PLOD3: variants seen among roughly 807,000 people sequenced by gnomAD.
PLOD3 encodes multifunctional procollagen lysine hydroxylase and glycosyltransferase LH3.
Under a neutral mutation model 96.9 loss-of-function variants are expected in PLOD3, and 73 were observed. That is an observed-to-expected ratio of 0.75 (90% confidence interval 0.62 to 0.92). The LOEUF (loss-of-function observed/expected upper bound fraction) is 0.92, where lower values mean the gene tolerates loss of function less well. PLOD3 is among the 40% of genes least tolerant of loss of function. The pLI is 0.00. For synonymous variants in PLOD3, 454 were observed against 413.7 expected (o/e 1.10, Z -1.18); for missense variants, 1,004 against 1,004.3 (o/e 1.00, Z 0.00).
chr7:101,214,415 G>A (rs553162204), intron 6 of PLOD3, among the ~76,000 whole-genome samples: 1 of 152,094 alleles, frequency 6.6e-6, no homozygotes, highest in African/African-American at 2.4e-5. Context: ...ACAGGCGTGA[G>A]GCACCGTGCC....
chr7:101,212,349 G>C lies in PLOD3; in HGVS notation c.1031C>G (p.Ala344Gly). 2 of 1,613,860 alleles carry C rather than the reference G, an allele frequency of 1.2e-6. No individual in the cohort carries two copies. Among genetic ancestry groups the C allele is most frequent in the Non-Finnish European group, 1.7e-6 (2 of 1,179,928 alleles). Residue 344 changes from alanine (A) to glycine (G), a missense_variant, in exon 10 of 19, where the codon GCT (alanine) becomes GGT (glycine). Transcript: ENST00000223127. ...NNEVFHEPHI[A>G]DSWPQLQDHF... ...GTCCTGGAGCTGCGGCCAGGAGTCA[G>C]CGATGTGGGGTTCATGGAAGACCTC...
Position 101,217,317 on chromosome 7 carries a change from C to A in PLOD3, c.-43G>T. On this transcript the variant is annotated 5_prime_UTR_variant, in exon 1 of 19. Transcript: ENST00000223127. Reference sequence around the variant, plus strand: ...GACAGCACCCAGGATCCTGGGATCTCCGCTACGCGCCTGGATCCCAGCTCC... The same window carrying A: ...GACAGCACCCAGGATCCTGGGATCTACGCTACGCGCCTGGATCCCAGCTCC... 1 of 1,364,824 alleles carries A rather than the reference C, an allele frequency of 7.3e-7. No homozygotes were observed. Among genetic ancestry groups the A allele is most frequent in the Non-Finnish European group, 9.5e-7 (1 of 1,057,332 alleles). The allele number at this position is 1,364,824 out of a possible 1,614,324, so 84.5% of individuals were successfully genotyped here.
Position 101,217,369 on chromosome 7 carries a change from T to C in PLOD3, c.-95A>G, listed in dbSNP as rs1357614447. On this transcript the variant is annotated 5_prime_UTR_variant, in exon 1 of 19. Transcript: ENST00000223127. ...GAGGGGAGCTCTGGAAAGGGGGCGC[T>C]CGGGCTGCTGTGCGGCCGCCGCGGG... The C allele has an allele frequency of 1.6e-6, 2 of 1,254,706 alleles. No individual in the cohort carries two copies. Among genetic ancestry groups the C allele is most frequent in the South Asian group, 2.3e-5 (1 of 43,040 alleles). The allele number at this position is 1,254,706 out of a possible 1,614,324, so 77.7% of individuals were successfully genotyped here.
intron 4 of PLOD3, 29 bp from the exon 5 acceptor site, chr7:101,216,049 A>C (rs1798265699): frequency 6.2e-7 from 1 of 1,609,142 alleles, no homozygotes; most frequent in African/African-American, 1.3e-5. Flanking sequence ...GTTGACCTCG[A>C]GACTCCCAGG....
rs1252322929 is a variant in PLOD3 at position 101,211,590 on chromosome 7, C to T, written c.1358+1G>A. ...GGGGGCTGCAGGCTGGCGGGACTCACACTCGCTTCCGCTGCACCAGCTCCA... is the reference window on the plus strand; with the variant it reads ...GGGGGCTGCAGGCTGGCGGGACTCATACTCGCTTCCGCTGCACCAGCTCCA... On this transcript the variant is annotated splice_donor_variant, in intron 12 of 18. Coordinates refer to ENST00000223127, the MANE Select transcript of PLOD3 (RefSeq NM_001084.5). LOFTEE classifies it high-confidence loss of function. The T allele has an allele frequency of 6.3e-7, 1 of 1,598,460 alleles. No homozygotes were observed. The highest frequency in any genetic ancestry group is 8.5e-7 in the Non-Finnish European group (1 of 1,173,632).
At position 101,207,593 on chromosome 7, in the gene PLOD3, G is replaced by C; in HGVS notation, c.1920C>G (p.Pro640=). The part of the protein sequence containing the change: ...YVGPMTESLF[P]GYHTKARAVM... Reference sequence around the variant, plus strand: ...GGCAGCGCACCTTGGTGTGGTAACCGGGAAACAGGCTCTCGGTCATGGGGC... The same window carrying C: ...GGCAGCGCACCTTGGTGTGGTAACCCGGAAACAGGCTCTCGGTCATGGGGC... The change falls in exon 17 of 19, where the codon CCC becomes CCG. Residue 640 remains proline, a synonymous_variant. Transcript: ENST00000223127. 1 of 1,614,040 alleles carries C rather than the reference G, an allele frequency of 6.2e-7. No individual in the cohort carries two copies. The highest frequency in any genetic ancestry group is 8.5e-7 in the Non-Finnish European group (1 of 1,179,950).
In PLOD3 at chr7:101,212,891, C is replaced by T; in HGVS notation, c.830G>A (p.Gly277Glu). ...NYVPNGWTPE[G>E]GCGFCNQDRR... ...GTCCTGGTTGCAGAAGCCACAGCCT[C>T]CCTCAGGAGTCCAGCCATTGGGGAC... is the stretch of plus-strand genomic sequence containing the variant. Residue 277 changes from glycine to glutamate, a missense_variant, in exon 8 of 19, where the codon GGA becomes GAA. By Grantham distance (98) the Gly-to-Glu change is moderately conservative (BLOSUM62 -2). Around this residue, in one of 5 missense-constraint regions of PLOD3, gnomAD observed 690 missense variants for 650.2 expected, o/e 1.06. Transcript: ENST00000223127. 6.2e-7 allele frequency: 1 copy of T among 1,613,904 alleles called. No individual in the cohort carries two copies. The highest frequency in any genetic ancestry group is 8.5e-7 in the Non-Finnish European group (1 of 1,179,848).
At chr7:101,212,729 G>A (rs1584253890) in intron 8 of PLOD3, 74 bp from the exon 9 acceptor site, 8 of 1,599,732 alleles carry the variant, frequency 5.0e-6, no homozygotes, top group Non-Finnish European at 6.8e-6. Flanking sequence ...CCTCCACCCT[G>A]ACAGGTGCAG....
intron 6 of PLOD3, 189 bp from the exon 7 acceptor site, chr7:101,213,393 C>T (rs1798218354): frequency 7.7e-6 from 5 of 651,140 alleles, no homozygotes; most frequent in Non-Finnish European, 8.3e-6. Context: ...AGCTCCACTG[C>T]CTACTACCTG....
At position 101,206,061 on chromosome 7, in the gene PLOD3, T is replaced by A. The variant is rs993556291; in HGVS notation, c.*220A>T. 2 of 625,798 alleles carry A rather than the reference T, an allele frequency of 3.2e-6. No individual in the cohort carries two copies. Among genetic ancestry groups the A allele is most frequent in the African/African-American group, 3.7e-5 (2 of 54,506 alleles). 38.8% of individuals were successfully genotyped at this position (625,798 alleles called of 1,614,324 possible). A position where few individuals can be genotyped will look rare whatever the true frequency, so the allele number is the denominator to read the frequency against. On this transcript the variant is annotated 3_prime_UTR_variant, in exon 19 of 19. Coordinates refer to ENST00000223127, the MANE Select transcript of PLOD3 (RefSeq NM_001084.5). Reference sequence around the variant, plus strand: ...ACGCGGGGAGTCCCCAGAAGCCCTGTGCCCACGAACCCCTGTGGGCGGAGG... The same window carrying A: ...ACGCGGGGAGTCCCCAGAAGCCCTGAGCCCACGAACCCCTGTGGGCGGAGG...
chr7:101,212,564 G>A lies in PLOD3; in HGVS notation c.971C>T (p.Pro324Leu), dbSNP rs1309526677. 5.6e-6 allele frequency: 9 copies of A among 1,613,818 alleles called. No homozygotes were observed. The East Asian group carries it at 6.7e-5, about 12-fold the overall frequency. The change falls in exon 9 of 19, where the codon CCC becomes CTC. Residue 324 changes from proline to leucine, a missense_variant. Around this residue, in one of 5 missense-constraint regions of PLOD3, gnomAD observed 690 missense variants for 650.2 expected, o/e 1.06. Transcript: ENST00000223127. ...FLQRLLLLDY[P>L]PDRVTLFLHN... ...CAGGAAAAGGGTGACCCTGTCGGGG[G>A]GATAGTCCAGGAGTAGCAGCCGCTG...
Position 101,210,634 on chromosome 7 carries a change from C to A in PLOD3, c.1398G>T (p.Val466=). 6.2e-7 allele frequency: 1 copy of A among 1,614,174 alleles called. No individual in the cohort carries two copies. The highest frequency in any genetic ancestry group is 1.1e-5 in the South Asian group (1 of 91,084). Residue 466 remains valine (V), a synonymous_variant, in exon 13 of 19, where the codon GTG becomes GTT. Coordinates refer to ENST00000223127, the MANE Select transcript of PLOD3 (RefSeq NM_001084.5). ...WNVPYISQAY[V]IRGDTLRMEL... is the part of the protein sequence containing the mutation. ...CCATCCGCAGGGTATCACCCCGGATCACATAGGCCTGGGAGATGTATGGTA... is the reference window on the plus strand; with the variant it reads ...CCATCCGCAGGGTATCACCCCGGATAACATAGGCCTGGGAGATGTATGGTA...
At chr7:101,212,985 G>C (rs771490904) in intron 7 of PLOD3, 42 bp from the exon 8 acceptor site, 7 of 1,463,746 alleles carry the variant, frequency 4.8e-6, no homozygotes, top group Non-Finnish European at 5.7e-6. Context: ...AGGCCTCCAG[G>C]GGTGGAGGTG....
chr7:101,217,543 GA>G lies in PLOD3; in HGVS notation c.-270del, dbSNP rs1010487716. On this transcript the variant is annotated 5_prime_UTR_variant, in exon 1 of 19. The change abolishes the stop of an existing upstream ORF in the 5' untranslated region. Transcript: ENST00000223127. ...CGGCGGCTCGGGCCGGCGGGCGGGA[GA>G]CAGGGACTCTGGGCTGAGCCAGCCG... The G allele has an allele frequency of 2.1e-6, 1 of 476,542 alleles. No homozygotes were observed. The highest frequency in any genetic ancestry group is 3.7e-6 in the Non-Finnish European group (1 of 271,280). The allele number at this position is 476,542 out of a possible 1,614,324, so 29.5% of individuals were successfully genotyped here. A position where few individuals can be genotyped will look rare whatever the true frequency, so the allele number is the denominator to read the frequency against.
chr7:101,207,555 C>G (rs368115863), intron 17 of PLOD3, 23 bp downstream of exon 17: 580 of 1,610,194 alleles, frequency 3.6e-4, no homozygotes, highest in Non-Finnish European at 4.5e-4. Flanking sequence ...GGTGGGGAGG[C>G]AGCTGGCAGG....
rs779199558 is a variant in PLOD3, at chr7:101,206,390, G to A, written c.2108C>T (p.Pro703Leu). 8.7e-6 allele frequency: 14 copies of A among 1,613,464 alleles called. No homozygotes were observed. Among genetic ancestry groups the A allele is most frequent in the South Asian group, 5.5e-5 (5 of 91,062 alleles). ...FLRYDCVISS[P>L]RKGWALLHPG... ...GTGCAGGAGTGCCCAGCCCTTCCTC[G>A]GGGAGGAGATCACACAGTCGTAGCG... The change falls in exon 19 of 19, where the codon CCG becomes CTG. Residue 703 changes from proline to leucine, a missense_variant. Physicochemically the swap from Pro to Leu is moderately conservative, Grantham distance 98 (BLOSUM62 -3). Coordinates refer to ENST00000223127, the MANE Select transcript of PLOD3 (RefSeq NM_001084.5).
At position 101,217,304 on chromosome 7, in the gene PLOD3, G is replaced by T; in HGVS notation, c.-30C>A. ...GGGAGCGGGCCCAGACAGCACCCAG[G>T]ATCCTGGGATCTCCGCTACGCGCCT... On this transcript the variant is annotated 5_prime_UTR_variant, in exon 1 of 19. Coordinates refer to ENST00000223127, the MANE Select transcript of PLOD3 (RefSeq NM_001084.5). 1 of 1,395,198 alleles carries T rather than the reference G, an allele frequency of 7.2e-7. No homozygotes were observed. The highest frequency in any genetic ancestry group is 1.7e-5 in the South Asian group (1 of 60,386). 86.4% of individuals were successfully genotyped at this position (1,395,198 alleles called of 1,614,324 possible). A position where few individuals can be genotyped will look rare whatever the true frequency, so the allele number is the denominator to read the frequency against.
intron 17 of PLOD3, 120 bp downstream of exon 17, chr7:101,207,458 T>C: frequency 9.2e-7 from 1 of 1,086,026 alleles, no homozygotes; most frequent in South Asian, 1.5e-5. Context: ...CTCATTCCCC[T>C]GGGAACTAAA....
rs1798300259 is a variant in PLOD3, at chr7:101,217,553, C to G, written c.-279G>C. On this transcript the variant is annotated 5_prime_UTR_variant, in exon 1 of 19. Coordinates refer to ENST00000223127, the MANE Select transcript of PLOD3 (RefSeq NM_001084.5). ...GGCCGGCGGGCGGGAGACAGGGACTCTGGGCTGAGCCAGCCGCTTGACACA... is the reference window on the plus strand; with the variant it reads ...GGCCGGCGGGCGGGAGACAGGGACTGTGGGCTGAGCCAGCCGCTTGACACA... 2 of 483,602 alleles carry G rather than the reference C, an allele frequency of 4.1e-6. No individual in the cohort carries two copies. The highest frequency in any genetic ancestry group is 7.3e-6 in the Non-Finnish European group (2 of 274,768). 30.0% of individuals were successfully genotyped at this position (483,602 alleles called of 1,614,324 possible).
Sources: gnomAD v4.1 joint callset for allele counts (sites outside exome capture counted in the v4.1 genomes callset) on GRCh38, gnomAD v4.1.1 for gene constraint, gnomAD v4.1.1 regional missense constraint, MANE v1.5 for transcripts, NCBI Gene and HGNC (gene_info 2026-07-23, HGNC 2026-07-21) for gene names.